EPB41L2: variants seen among roughly 807,000 people sequenced by gnomAD.
The protein encoded by EPB41L2 is band 4.1-like protein 2.
Under a neutral mutation model 113.0 loss-of-function variants are expected in EPB41L2, and 43 were observed. That is an observed-to-expected ratio of 0.38 (90% CI 0.30 to 0.49). EPB41L2 has a LOEUF of 0.49. Ranked by LOEUF, EPB41L2 falls within the 20% of genes least tolerant of loss-of-function variation. The probability of loss-of-function intolerance (pLI) is 0.95; values close to 1 mark genes in which losing one functional copy is unlikely to be tolerated. For synonymous variants in EPB41L2, 442 were observed against 436.7 expected, an observed-to-expected ratio of 1.01 and a Z score of -0.15; for missense variants, 1,147 against 1,223.4, an observed-to-expected ratio of 0.94 and a Z score of 0.93.
chr6:130,851,672 A>T lies in EPB41L2; in HGVS notation c.*5+6459T>A, dbSNP rs138224142. On this transcript the variant is annotated intron_variant, in intron 19 of 19. Transcript: ENST00000337057. Reference sequence around the variant, plus strand: ...CAACCTGTTACAGGGCTCTCTCCCTACTACCACACTGAAACAGCTCTGACA... The same window carrying T: ...CAACCTGTTACAGGGCTCTCTCCCTTCTACCACACTGAAACAGCTCTGACA... Among the ~76,000 whole-genome samples, 394 of 152,328 alleles carry T rather than the reference A, an allele frequency of 2.6e-3. 4 individuals are homozygous for T. The highest frequency in any genetic ancestry group is 0.01 in the Middle Eastern group (3 of 294).
chr6:131,017,737 T>C (rs571241697), intron 1 of EPB41L2, among the ~76,000 whole-genome samples: 3 of 152,322 alleles, frequency 2.0e-5, no homozygotes, highest in South Asian at 2.1e-4. Flanking sequence ...TGGTCAGTTT[T>C]ACACTGCCAA....
rs1162261808 is a variant in EPB41L2, at chr6:130,914,571, AC to A, written c.811-5709del. Among the ~76,000 whole-genome samples, 3 of 152,278 alleles carry A rather than the reference AC, an allele frequency of 2.0e-5. No individual in the cohort carries two copies. In the East Asian group the frequency reaches 5.8e-4, roughly 29 times the overall value. On this transcript the variant is annotated intron_variant, in intron 4 of 19. Coordinates refer to ENST00000337057, the MANE Select transcript of EPB41L2 (RefSeq NM_001431.4). ...TTAAAAGACAGCTCTTTGTCCATGG[AC>A]AACTGCCCAGAACATCCTAAAACAT... is the stretch of plus-strand genomic sequence containing the variant.
At chr6:131,058,652 T>C (rs1230136599) in intron 1 of EPB41L2, among the ~76,000 whole-genome samples, 1 of 152,218 alleles carries the variant, frequency 6.6e-6, no homozygotes, top group African/African-American at 2.4e-5. Flanking sequence ...CCTATAATAT[T>C]CCCTCTCTCA....
chr6:131,025,106 A>C (rs971878861), intron 1 of EPB41L2, among the ~76,000 whole-genome samples: 2 of 151,742 alleles, frequency 1.3e-5, no homozygotes, highest in Admixed American at 6.6e-5. Context: ...ATCTGAGGGG[A>C]AATGCAGTGT....
chr6:130,959,013 C>A (rs545535819), intron 1 of EPB41L2, among the ~76,000 whole-genome samples: 1 of 152,006 alleles, frequency 6.6e-6, no homozygotes, highest in African/African-American at 2.4e-5. Flanking sequence ...CCTGAGAAGA[C>A]GATGGTCTAT....
At chr6:130,873,436 G>C (rs1041096038) in intron 14 of EPB41L2, among the ~76,000 whole-genome samples, 3 of 149,278 alleles carry the variant, frequency 2.0e-5, no homozygotes, top group Admixed American at 6.7e-5. Flanking sequence ...AGAAGTGTGA[G>C]AATAATTCCT....
chr6:130,863,345 T>C (rs1782737401), intron 18 of EPB41L2, among the ~76,000 whole-genome samples: 1 of 152,236 alleles, frequency 6.6e-6, no homozygotes, highest in African/African-American at 2.4e-5. Context: ...ATTTGATCAC[T>C]TGCCTTTAAA....
At chr6:130,870,231 A>AAGATGATTATGATGGCTGACTGAAAGG in intron 14 of EPB41L2, 105 bp from the exon 15 acceptor site, 1 of 1,526,844 alleles carries the variant, frequency 6.5e-7, no homozygotes, top group Non-Finnish European at 8.9e-7. Context: ...GAGAAAAACA[A>AAGATGATTATGATGGCTGACTGAAAGG]AGATGATTAT....
chr6:130,974,680 CTT>C (rs1490758344), intron 1 of EPB41L2, among the ~76,000 whole-genome samples: 1 of 144,252 alleles, frequency 6.9e-6, no homozygotes, highest in Non-Finnish European at 1.5e-5. Context: ...AGCCAATAGA[CTT>C]TTCCACTAAG....
chr6:130,858,066 C>T (rs1448937798), intron 19 of EPB41L2, 65 bp downstream of exon 19: 11 of 1,253,838 alleles, frequency 8.8e-6, no homozygotes, highest in Non-Finnish European at 1.1e-5. Flanking sequence ...ATTTCACATC[C>T]TTTCACAAGT....
At chr6:131,009,145 G>C (rs1786308686) in intron 1 of EPB41L2, among the ~76,000 whole-genome samples, 1 of 152,158 alleles carries the variant, frequency 6.6e-6, no homozygotes, top group Non-Finnish European at 1.5e-5. Flanking sequence ...TCAAGGGTGG[G>C]GCCAGGTGGA....
intron 5 of EPB41L2, among the ~76,000 whole-genome samples, chr6:130,907,748 C>T (rs1246804609): frequency 1.3e-5 from 2 of 151,936 alleles, no homozygotes; most frequent in South Asian, 2.1e-4. Context: ...ATAAAGAAAA[C>T]AAATGTGAAG....
intron 17 of EPB41L2, among the ~76,000 whole-genome samples, chr6:130,864,173 G>A (rs1235843030): frequency 6.6e-6 from 1 of 152,154 alleles, no homozygotes; most frequent in African/African-American, 2.4e-5. Flanking sequence ...TTAGGTATCT[G>A]TTTTTGGTTT....
chr6:130,973,546 G>T (rs189827982), intron 1 of EPB41L2, among the ~76,000 whole-genome samples: 4 of 152,110 alleles, frequency 2.6e-5, no homozygotes, highest in Non-Finnish European at 2.9e-5. Flanking sequence ...AAATCTTGAG[G>T]CCCCCAAGTC....
intron 14 of EPB41L2, chr6:130,870,339 C>T (rs1411118570): frequency 1.3e-6 from 2 of 1,550,662 alleles, no homozygotes; most frequent in Non-Finnish European, 1.7e-6. Flanking sequence ...TTAACAGCAT[C>T]CCTGGCTCCA....
chr6:130,981,790 T>C (rs1266938005), intron 1 of EPB41L2, among the ~76,000 whole-genome samples: 2 of 152,172 alleles, frequency 1.3e-5, no homozygotes, highest in Non-Finnish European at 2.9e-5. Flanking sequence ...AAATAGCATG[T>C]CCATTTAAAT....
chr6:131,059,409 C>T (rs1798248293), intron 1 of EPB41L2, among the ~76,000 whole-genome samples: 1 of 152,220 alleles, frequency 6.6e-6, no homozygotes, highest in Admixed American at 6.5e-5. Flanking sequence ...CCATCGCGCC[C>T]AGCTATAATT....
intron 1 of EPB41L2, among the ~76,000 whole-genome samples, chr6:131,030,190 T>G (rs116399848): frequency 0.011 from 1,709 of 152,328 alleles, 32 homozygotes; most frequent in African/African-American, 0.038. Context: ...CTGCAGGGCC[T>G]GATCCCTTCC....
chr6:131,045,981 C>T (rs1378035019), intron 1 of EPB41L2, among the ~76,000 whole-genome samples: 3 of 144,666 alleles, frequency 2.1e-5, no homozygotes, highest in Admixed American at 7.1e-5. Flanking sequence ...GTGTGTGACT[C>T]TGTCACCAAG....
Sources: allele counts gnomAD v4.1 joint callset (sites outside exome capture counted in the v4.1 genomes callset), GRCh38; gene constraint gnomAD v4.1.1; transcripts MANE v1.5; gene names NCBI Gene and HGNC (gene_info 2026-07-23, HGNC 2026-07-21).